VKORC1L1: variants seen among roughly 807,000 people sequenced by gnomAD.
VKORC1L1 encodes vitamin K epoxide reductase complex subunit 1L1, also known as vitamin K epoxide reductase complex subunit 1-like protein 1.
In VKORC1L1, 2 loss-of-function variants were observed where a neutral mutation model predicts 18.9. The observed-to-expected ratio is 0.11, with a 90% CI of 0.04 to 0.33. VKORC1L1 has a LOEUF of 0.33. Ranked by LOEUF, VKORC1L1 falls within the 10% of genes least tolerant of loss-of-function variation. The pLI is 1.00. For missense variants in VKORC1L1, 123 were observed against 224.1 expected, an observed-to-expected ratio of 0.55 and a Z score of 2.88; for synonymous variants, 96 against 100.0, an observed-to-expected ratio of 0.96 and a Z score of 0.24.
chr7:65,878,362 A>G (rs1291418333), intron 1 of VKORC1L1, among the ~76,000 whole-genome samples: 1 of 151,852 alleles, frequency 6.6e-6, no homozygotes, highest in East Asian at 1.9e-4. Context: ...CAGGAGAATC[A>G]CTTGAACCCG....
At chr7:65,900,042 C>CGTGTGTGTGTGTGTGTGT (rs58269522) in intron 1 of VKORC1L1, among the ~76,000 whole-genome samples, 1 of 140,860 alleles carries the variant, frequency 7.1e-6, no homozygotes, top group African/African-American at 2.7e-5. Flanking sequence ...TGTGCACGCA[C>CGTGTGTGTGTGTGTGTGT]GTGTGTGTGT....
intron 1 of VKORC1L1, among the ~76,000 whole-genome samples, chr7:65,915,823 A>AG (rs1789580074): frequency 6.6e-6 from 1 of 152,022 alleles, no homozygotes. Flanking sequence ...CTTGTATAAG[A>AG]GGAAACCTCC....
chr7:65,870,382 A>C (rs1445652171), upstream of VKORC1L1, among the ~76,000 whole-genome samples: 1 of 152,040 alleles, frequency 6.6e-6, no homozygotes. Flanking sequence ...GTGAGTCGAG[A>C]TTGCATCATT....
intron 2 of VKORC1L1, among the ~76,000 whole-genome samples, chr7:65,952,778 CTTTTTTTTTTTTTTT>C (rs11395208): frequency 2.3e-5 from 2 of 86,612 alleles, no homozygotes; most frequent in Non-Finnish European, 4.1e-5. Flanking sequence ...TTTTTTTTTC[CTTTTTTTTTTTTTTT>C]TTTTTTTTTG....
the VKORC1L1 span, among the ~76,000 whole-genome samples, chr7:65,866,894 A>G: frequency 1.3e-5 from 2 of 152,076 alleles, no homozygotes; most frequent in East Asian, 3.9e-4. Flanking sequence ...GAGGAGGAAG[A>G]AAAAATAGAA....
At chr7:65,884,321 G>C (rs906686372) in intron 1 of VKORC1L1, among the ~76,000 whole-genome samples, 6 of 152,062 alleles carry the variant, frequency 3.9e-5, no homozygotes, top group Admixed American at 6.6e-5. Flanking sequence ...TTTAGATCTT[G>C]CTGTATGTTT....
intron 1 of VKORC1L1, among the ~76,000 whole-genome samples, chr7:65,914,237 G>T (rs1450779289): frequency 6.6e-6 from 1 of 152,096 alleles, no homozygotes; most frequent in Non-Finnish European, 1.5e-5. Context: ...AAAGCTACAG[G>T]TGTGCACCAT....
At chr7:65,881,834 C>CTT (rs1188509218) in intron 1 of VKORC1L1, among the ~76,000 whole-genome samples, 1 of 152,168 alleles carries the variant, frequency 6.6e-6, no homozygotes, top group Non-Finnish European at 1.5e-5. Context: ...AATCCCAGCA[C>CTT]TTTGGGAGGC....
At chr7:65,866,023 G>T in the VKORC1L1 span, among the ~76,000 whole-genome samples, 1 of 152,134 alleles carries the variant, frequency 6.6e-6, no homozygotes, top group Admixed American at 6.6e-5. Flanking sequence ...GAGGGGCTAA[G>T]AAGGGCACTT....
chr7:65,889,738 C>G (rs1399776781), intron 1 of VKORC1L1, among the ~76,000 whole-genome samples: 1 of 152,144 alleles, frequency 6.6e-6, no homozygotes, highest in Non-Finnish European at 1.5e-5. Context: ...CATTTTCTTA[C>G]TTTTCTAAGA....
chr7:65,929,867 G>A (rs932835850), intron 1 of VKORC1L1, among the ~76,000 whole-genome samples: 3 of 151,462 alleles, frequency 2.0e-5, no homozygotes, highest in African/African-American at 7.3e-5. Flanking sequence ...TGAGTGCAGA[G>A]ATCAATCTGA....
intron 1 of VKORC1L1, among the ~76,000 whole-genome samples, chr7:65,910,303 G>T (rs1562992331): frequency 6.6e-6 from 1 of 151,952 alleles, no homozygotes; most frequent in African/African-American, 2.4e-5. Context: ...ATATGTATTT[G>T]CATTCTCATG....
chr7:65,915,732 T>C (rs1044417934), intron 1 of VKORC1L1, among the ~76,000 whole-genome samples: 2 of 151,792 alleles, frequency 1.3e-5, no homozygotes, highest in Admixed American at 6.6e-5. Context: ...TTATATTCAA[T>C]GCCTAAATCA....
intron 1 of VKORC1L1, among the ~76,000 whole-genome samples, chr7:65,908,753 C>G (rs1789448269): frequency 6.7e-6 from 1 of 150,246 alleles, no homozygotes; most frequent in South Asian, 2.1e-4. Flanking sequence ...AGGAGAATTG[C>G]TCGAACCTCA....
intron 2 of VKORC1L1, among the ~76,000 whole-genome samples, chr7:65,950,614 T>C (rs1790197086): frequency 6.6e-6 from 1 of 152,044 alleles, no homozygotes; most frequent in Non-Finnish European, 1.5e-5. Context: ...TTCATAGCAG[T>C]ACAGTGTAAA....
rs1159005515 is a variant in VKORC1L1 at position 65,954,458 on chromosome 7, C to G, written c.*158C>G. 3.2e-6 allele frequency: 4 copies of G among 1,243,248 alleles called. No individual in the cohort carries two copies. The African/African-American group carries it at 6.1e-5, about 19-fold the overall frequency. The allele number at this position is 1,243,248 out of a possible 1,614,324, so 77.0% of individuals were successfully genotyped here. ...AAAAATCCGGTAAATTAGAAGGGGCCCTCGCTATTTTCTGTGTCAGTCTTC... is the reference window on the plus strand; with the variant it reads ...AAAAATCCGGTAAATTAGAAGGGGCGCTCGCTATTTTCTGTGTCAGTCTTC... On this transcript the variant is annotated 3_prime_UTR_variant, in exon 3 of 3. Transcript: ENST00000360768.
upstream of VKORC1L1, among the ~76,000 whole-genome samples, chr7:65,869,617 A>G (rs1788700552): frequency 6.7e-6 from 1 of 148,638 alleles, no homozygotes; most frequent in Non-Finnish European, 1.5e-5. Flanking sequence ...TTCAGATAAC[A>G]GAGGGCAAAA....
upstream of VKORC1L1, among the ~76,000 whole-genome samples, chr7:65,871,629 C>G (rs1192897760): frequency 3.9e-5 from 6 of 152,238 alleles, no homozygotes; most frequent in Non-Finnish European, 8.8e-5. Context: ...TTTCTCCTCC[C>G]TCTCCCTGGG....
chr7:65,890,503 A>G (rs1046562428), intron 1 of VKORC1L1, among the ~76,000 whole-genome samples: 3 of 151,878 alleles, frequency 2.0e-5, no homozygotes, highest in African/African-American at 7.3e-5. Flanking sequence ...TCCTCACCTC[A>G]GGTTATCCAC....
Sources: allele counts gnomAD v4.1 joint callset (sites outside exome capture counted in the v4.1 genomes callset), GRCh38; gene constraint gnomAD v4.1.1; transcripts MANE v1.5; gene names NCBI Gene and HGNC (gene_info 2026-07-23, HGNC 2026-07-21).